The following OR1J2 variants were observed in gnomAD, a reference collection of about 807,000 sequenced individuals.
The protein encoded by OR1J2 is olfactory receptor family 1 subfamily J member 2.
For synonymous variants in OR1J2, 142 were observed against 99.7 expected, an observed-to-expected ratio of 1.42 and a Z score of -2.52; for missense variants, 304 against 246.1, an observed-to-expected ratio of 1.24 and a Z score of -1.57.
chr9:122,535,872 C>G, the OR1J2 span, among the ~76,000 whole-genome samples: 2 of 151,900 alleles, frequency 1.3e-5, no homozygotes, highest in African/African-American at 4.8e-5. Flanking sequence ...GGGGTGGGGC[C>G]GTTTTTATAA....
At chr9:122,471,258 A>T in the OR1J2 span, 1 of 152,180 alleles carries the variant, frequency 6.6e-6, no homozygotes, top group African/African-American at 2.4e-5. Context: ...GTTCCCCCAT[A>T]CTGTTCTCAT....
chr9:122,567,425 A>G, the OR1J2 span: 1 of 678,970 alleles, frequency 1.5e-6, no homozygotes, highest in Non-Finnish European at 2.5e-6. Flanking sequence ...TGCCCACAAT[A>G]GCCTTGTCTC....
chr9:122,471,411 A>G, the OR1J2 span: 1 of 152,182 alleles, frequency 6.6e-6, no homozygotes, highest in Non-Finnish European at 1.5e-5. Flanking sequence ...GCCATGTGGA[A>G]TTGTAAGTCC....
chr9:122,519,441 A>T, the OR1J2 span: 1 of 1,614,132 alleles, frequency 6.2e-7, no homozygotes, highest in South Asian at 1.1e-5. Flanking sequence ...TGTAACTCAG[A>T]TGTATTTTTT....
the OR1J2 span, among the ~76,000 whole-genome samples, chr9:122,539,281 C>T: frequency 1.3e-5 from 2 of 152,044 alleles, no homozygotes; most frequent in Non-Finnish European, 2.9e-5. Context: ...CACCCCACAA[C>T]ATGCCCTGGT....
chr9:122,540,789 C>G, the OR1J2 span, among the ~76,000 whole-genome samples: 1 of 152,128 alleles, frequency 6.6e-6, no homozygotes, highest in Non-Finnish European at 1.5e-5. Context: ...TCTTTTATTT[C>G]CTTGAACAGT....
the OR1J2 span, chr9:122,477,127 G>A: frequency 1.2e-6 from 2 of 1,613,990 alleles, no homozygotes; most frequent in Non-Finnish European, 1.7e-6. Context: ...CTTGTCATTG[G>A]TGTTGCTGGA....
the OR1J2 span, among the ~76,000 whole-genome samples, chr9:122,493,827 A>G: frequency 6.6e-6 from 1 of 152,136 alleles, no homozygotes; most frequent in East Asian, 1.9e-4. Context: ...TGATGTAGGC[A>G]TTTAATGCTA....
the OR1J2 span, among the ~76,000 whole-genome samples, chr9:122,530,752 A>G: frequency 8.5e-5 from 13 of 152,068 alleles, no homozygotes; most frequent in Non-Finnish European, 1.6e-4. Context: ...AGATTTGGGT[A>G]GGTAAAGGAA....
the OR1J2 span, among the ~76,000 whole-genome samples, chr9:122,531,825 T>C: frequency 1.3e-5 from 2 of 152,314 alleles, no homozygotes; most frequent in South Asian, 2.1e-4. Context: ...CGAGGAATTA[T>C]GTCTGACAGA....
At chr9:122,523,310 G>A in the OR1J2 span, among the ~76,000 whole-genome samples, 1 of 152,114 alleles carries the variant, frequency 6.6e-6, no homozygotes, top group African/African-American at 2.4e-5. Flanking sequence ...GTCTAGACAG[G>A]GAGACAAAGA....
At chr9:122,481,261 A>G in the OR1J2 span, among the ~76,000 whole-genome samples, 1 of 152,216 alleles carries the variant, frequency 6.6e-6, no homozygotes, top group Non-Finnish European at 1.5e-5. Context: ...GTCCCTGCAA[A>G]GGACATGATC....
At chr9:122,542,976 A>C in the OR1J2 span, among the ~76,000 whole-genome samples, 1 of 152,196 alleles carries the variant, frequency 6.6e-6, no homozygotes, top group South Asian at 2.1e-4. Context: ...GTAGTATTCT[A>C]TTGTATACCA....
At chr9:122,556,302 A>C in the OR1J2 span, among the ~76,000 whole-genome samples, 1 of 144,898 alleles carries the variant, frequency 6.9e-6, no homozygotes, top group Non-Finnish European at 1.5e-5. Context: ...TTTCATGTGG[A>C]TGTCTAGTTG....
chr9:122,482,212 C>T, the OR1J2 span, among the ~76,000 whole-genome samples: 86 of 151,918 alleles, frequency 5.7e-4, no homozygotes, highest in African/African-American at 2.0e-3. Flanking sequence ...GTGCAAAATA[C>T]CTGAATACGT....
At chr9:122,450,038 T>C in the OR1J2 span, among the ~76,000 whole-genome samples, 1 of 152,210 alleles carries the variant, frequency 6.6e-6, no homozygotes, top group Non-Finnish European at 1.5e-5. Context: ...TGTATATATT[T>C]ATGTGGTACA....
chr9:122,474,727 G>A, the OR1J2 span, among the ~76,000 whole-genome samples: 39 of 152,270 alleles, frequency 2.6e-4, no homozygotes, highest in Non-Finnish European at 5.1e-4. Context: ...TGTACAGCTT[G>A]CAGGTTTCAC....
At chr9:122,473,119 G>T in the OR1J2 span, among the ~76,000 whole-genome samples, 1 of 152,056 alleles carries the variant, frequency 6.6e-6, no homozygotes, top group African/African-American at 2.4e-5. Context: ...CCAGTCTGTT[G>T]GTACAGGGGA....
chr9:122,516,404 C>T (rs375899779), downstream of OR1J2, among the ~76,000 whole-genome samples: 1,314 of 148,414 alleles, frequency 8.9e-3, 14 homozygotes, highest in African/African-American at 0.031. Context: ...CCCGGGTTCA[C>T]GCCCTTCTCC....
Sources: allele counts gnomAD v4.1 joint callset (sites outside exome capture counted in the v4.1 genomes callset), GRCh38; gene constraint gnomAD v4.1.1; transcripts MANE v1.5; gene names NCBI Gene and HGNC (gene_info 2026-07-23, HGNC 2026-07-21).